The following ADAMTS12 variants were observed in gnomAD, a reference collection of about 807,000 sequenced individuals.
ADAMTS12 encodes the protein A disintegrin and metalloproteinase with thrombospondin motifs 12.
Under a neutral mutation model 167.8 loss-of-function variants are expected in ADAMTS12, and 118 were observed. The observed-to-expected ratio is 0.70, with a 90% CI of 0.61 to 0.82. ADAMTS12 has a LOEUF of 0.82. ADAMTS12 is among the 40% of genes least tolerant of loss of function. The probability of loss-of-function intolerance (pLI) is 0.00; values close to 1 mark genes in which losing one functional copy is unlikely to be tolerated. For synonymous variants in ADAMTS12, 704 were observed against 716.9 expected (o/e 0.98, Z 0.29); for missense variants, 1,916 against 1,998.8 (o/e 0.96, Z 0.79).
chr5:33,647,938 C>T (rs986844316), intron 9 of ADAMTS12, among the ~76,000 whole-genome samples: 5 of 152,188 alleles, frequency 3.3e-5, no homozygotes, highest in Admixed American at 2.6e-4. Context: ...AATTTTTATG[C>T]CTGCCTCCTC....
chr5:33,686,799 TAGAG>T (rs1212232283), intron 3 of ADAMTS12, among the ~76,000 whole-genome samples: 16 of 149,986 alleles, frequency 1.1e-4, no homozygotes, highest in Non-Finnish European at 1.6e-4. Flanking sequence ...CCTATATATA[TAGAG>T]AGAGAGAGGG....
At position 33,881,438 on chromosome 5, in the gene ADAMTS12, G is replaced by A. The variant is rs1750439781; in HGVS notation, c.170C>T (p.Pro57Leu). 1 of 1,613,696 alleles carries A rather than the reference G, an allele frequency of 6.2e-7. No homozygotes were observed. Among genetic ancestry groups the A allele is most frequent in the Non-Finnish European group, 8.5e-7 (1 of 1,179,956 alleles). ...KGLPEYHVVG[P>L]VRVDASGHFL... ...ATGCCCACTGGCATCTACTCGGACTGGACCCACCACGTGGTATTCTGGCAG... is the reference window on the plus strand; with the variant it reads ...ATGCCCACTGGCATCTACTCGGACTAGACCCACCACGTGGTATTCTGGCAG... Residue 57 changes from proline to leucine, a missense_variant, in exon 2 of 24, where the codon CCA (proline) becomes CTA (leucine). Coordinates refer to ENST00000504830, the MANE Select transcript of ADAMTS12 (RefSeq NM_030955.4).
intron 2 of ADAMTS12, among the ~76,000 whole-genome samples, chr5:33,837,636 G>T (rs1748584442): frequency 6.6e-6 from 1 of 152,122 alleles, no homozygotes. Context: ...CATCTGCATG[G>T]TTCTTTTGGT....
intron 1 of ADAMTS12, among the ~76,000 whole-genome samples, chr5:33,886,243 G>A (rs1750632098): frequency 1.3e-5 from 2 of 152,280 alleles, no homozygotes; most frequent in Admixed American, 6.5e-5. Flanking sequence ...TTGATCTAAT[G>A]AATTTTTAAG....
At chr5:33,817,295 G>C (rs1046153290) in intron 2 of ADAMTS12, among the ~76,000 whole-genome samples, 1 of 152,110 alleles carries the variant, frequency 6.6e-6, no homozygotes, top group Non-Finnish European at 1.5e-5. Flanking sequence ...AGAATTAGAA[G>C]AATCAGGTTT....
chr5:33,875,230 A>G (rs537522365), intron 2 of ADAMTS12, among the ~76,000 whole-genome samples: 1 of 152,368 alleles, frequency 6.6e-6, no homozygotes, highest in South Asian at 2.1e-4. Context: ...AAAATCCTCT[A>G]TATGAGAATA....
intron 2 of ADAMTS12, among the ~76,000 whole-genome samples, chr5:33,830,130 T>G (rs1021495582): frequency 6.6e-6 from 1 of 152,072 alleles, no homozygotes. Flanking sequence ...GAGGCTCTGA[T>G]GGATTAAAGA....
intron 16 of ADAMTS12, among the ~76,000 whole-genome samples, chr5:33,599,048 G>A (rs554725535): frequency 2.0e-5 from 3 of 152,262 alleles, no homozygotes; most frequent in East Asian, 1.9e-4. Flanking sequence ...TGGATCAACC[G>A]GCTTAGGTGC....
At position 33,586,298 on chromosome 5, in the gene ADAMTS12, A is replaced by G. The variant is rs200809036; in HGVS notation, c.2865+2301T>C. Among the ~76,000 whole-genome samples, 7 of 152,368 alleles carry G rather than the reference A, an allele frequency of 4.6e-5. No individual in the cohort carries two copies. In the East Asian group the frequency reaches 1.4e-3, roughly 29 times the overall value. On this transcript the variant is annotated intron_variant, in intron 18 of 23. Transcript: ENST00000504830. ...AAAGTTCATTAGGAGGTTATTAGTAAGAGAGCAGATAGAAGAAAGGAAGAC... is the reference window on the plus strand; with the variant it reads ...AAAGTTCATTAGGAGGTTATTAGTAGGAGAGCAGATAGAAGAAAGGAAGAC...
At chr5:33,662,771 T>C (rs535325107) in intron 5 of ADAMTS12, among the ~76,000 whole-genome samples, 2 of 152,308 alleles carry the variant, frequency 1.3e-5, no homozygotes, top group South Asian at 4.1e-4. Context: ...AGAAGAAAAA[T>C]AGTCAGCTCT....
At chr5:33,650,801 G>A (rs761132346) in intron 7 of ADAMTS12, among the ~76,000 whole-genome samples, 34 of 152,266 alleles carry the variant, frequency 2.2e-4, no homozygotes, top group Middle Eastern at 6.8e-3. Flanking sequence ...TCTCCACTGG[G>A]GTGGACTTTG....
intron 2 of ADAMTS12, among the ~76,000 whole-genome samples, chr5:33,876,510 A>C (rs969683704): frequency 6.6e-6 from 1 of 152,236 alleles, no homozygotes; most frequent in African/African-American, 2.4e-5. Flanking sequence ...AAGCAACTTA[A>C]TGAAACAAAA....
chr5:33,562,028 C>G (rs1745773155), intron 19 of ADAMTS12, among the ~76,000 whole-genome samples: 1 of 152,212 alleles, frequency 6.6e-6, no homozygotes, highest in Admixed American at 6.5e-5. Flanking sequence ...AAAGGGTTTT[C>G]TGTCTCTAAA....
chr5:33,619,540 C>T (rs930176634), intron 14 of ADAMTS12, among the ~76,000 whole-genome samples: 117 of 152,248 alleles, frequency 7.7e-4, no homozygotes, highest in African/African-American at 2.5e-3. Context: ...TATCTTGACA[C>T]TTTTAAAACC....
intron 2 of ADAMTS12, among the ~76,000 whole-genome samples, chr5:33,847,339 T>A (rs576708426): frequency 6.6e-6 from 1 of 152,124 alleles, no homozygotes; most frequent in Non-Finnish European, 1.5e-5. Context: ...ACAGGAAGTT[T>A]CGGCCAGGCA....
chr5:33,658,305 G>A lies in ADAMTS12; in HGVS notation c.1069C>T (p.Pro357Ser). ...RKDICAGFNRPCETLGLSHLS... is the reference protein window; with the variant it reads ...RKDICAGFNRSCETLGLSHLS... ...TGAGACAGGCCCAGGGTCTCGCAGG[G>A]GCGATTGAAACCAGCACAGATGTCC... The change falls in exon 7 of 24, where the codon CCC (proline) becomes TCC (serine). Residue 357 changes from proline to serine, a missense_variant. Physicochemically the swap from Pro to Ser is moderately conservative, Grantham distance 74. Coordinates refer to ENST00000504830, the MANE Select transcript of ADAMTS12 (RefSeq NM_030955.4). 2 of 1,613,582 alleles carry A rather than the reference G, an allele frequency of 1.2e-6. No homozygotes were observed. The highest frequency in any genetic ancestry group is 1.7e-6 in the Non-Finnish European group (2 of 1,179,638).
intron 5 of ADAMTS12, among the ~76,000 whole-genome samples, chr5:33,681,584 C>CA (rs1742116186): frequency 6.6e-6 from 1 of 151,682 alleles, no homozygotes; most frequent in African/African-American, 2.4e-5. Context: ...CTGTGATAAG[C>CA]AAAAAAAGAG....
chr5:33,878,723 T>C (rs780036586), intron 2 of ADAMTS12, among the ~76,000 whole-genome samples: 5 of 152,188 alleles, frequency 3.3e-5, no homozygotes, highest in Non-Finnish European at 5.9e-5. Context: ...GTTGGCAACA[T>C]TGACTGCAAT....
rs1740541886 is a variant in ADAMTS12 at position 33,643,419 on chromosome 5, G to A, written c.1531C>T (p.Leu511=). ...TGAGTTCCATCTGCAGCAGCGTCCA[G>A]CTTAGAGCGACAAAAGCCCTTCACG... ...CSVKGFCRSK[L]DAAADGTQCG... The change falls in exon 10 of 24, where the codon CTG becomes TTG. Residue 511 remains leucine, a synonymous_variant. Transcript: ENST00000504830. The A allele has an allele frequency of 6.2e-7, 1 of 1,614,116 alleles. No individual in the cohort carries two copies.
Sources: gnomAD v4.1 joint callset for allele counts (sites outside exome capture counted in the v4.1 genomes callset) on GRCh38, gnomAD v4.1.1 for gene constraint, MANE v1.5 for transcripts, NCBI Gene and HGNC (gene_info 2026-07-23, HGNC 2026-07-21) for gene names.